Variants in C8orf34 observed in about 807,000 individuals in gnomAD.
C8orf34 encodes chromosome 8 open reading frame 34.
C8orf34 carries 65 observed loss-of-function variants against 68.3 expected under a neutral mutation model. That is an observed-to-expected ratio of 0.95 (90% CI 0.78 to 1.17). The LOEUF (loss-of-function observed/expected upper bound fraction) is 1.17, where lower values mean the gene tolerates loss of function less well. Ranked by LOEUF, C8orf34 falls within the 50% of genes most tolerant of loss-of-function variation. C8orf34 has a pLI of 0.00. For missense variants in C8orf34, 664 were observed against 655.4 expected (o/e 1.01, Z -0.14); for synonymous variants, 244 against 241.2 (o/e 1.01, Z -0.11).
chr8:68,702,133 A>G (rs1821035505), intron 8 of C8orf34, among the ~76,000 whole-genome samples: 1 of 151,938 alleles, frequency 6.6e-6, no homozygotes, highest in Non-Finnish European at 1.5e-5. Context: ...GCATAATGTA[A>G]TCTCCATGAG....
intron 7 of C8orf34, chr8:68,625,751 G>A: frequency 3.9e-6 from 2 of 507,604 alleles, no homozygotes; most frequent in South Asian, 6.1e-5. Context: ...TTAGTATATG[G>A]CCAGCAAGGG....
Position 68,378,545 on chromosome 8 carries a change from C to T in C8orf34, c.327+47206C>T, listed in dbSNP as rs142708989. Among the ~76,000 whole-genome samples the T allele has an allele frequency of 2.7e-3, 408 of 152,252 alleles. 1 individual carries two copies. Among genetic ancestry groups the T allele is most frequent in the Non-Finnish European group, 4.7e-3 (319 of 68,020 alleles). On this transcript the variant is annotated intron_variant, in intron 1 of 13. Transcript: ENST00000518698. ...TCAACTGATTCTCCTGCCTCAGCCT[C>T]CCAAAGTGCTGGGATTACGTGCGTG...
chr8:68,681,485 T>C (rs1820369773), intron 8 of C8orf34, among the ~76,000 whole-genome samples: 1 of 152,122 alleles, frequency 6.6e-6, no homozygotes, highest in Non-Finnish European at 1.5e-5. Context: ...CCAGTTAAAA[T>C]GACTTTTATC....
intron 12 of C8orf34, among the ~76,000 whole-genome samples, chr8:68,795,316 A>G (rs538122757): frequency 7.3e-6 from 1 of 136,286 alleles, no homozygotes; most frequent in Admixed American, 7.2e-5. Context: ...GACAGTTTTT[A>G]TTGACTGCTT....
At chr8:68,406,346 C>A (rs183388590) in intron 1 of C8orf34, among the ~76,000 whole-genome samples, 49 of 152,158 alleles carry the variant, frequency 3.2e-4, no homozygotes, top group African/African-American at 1.0e-3. Context: ...TACTAGAAGG[C>A]TTTTGTTTCT....
intron 5 of C8orf34, among the ~76,000 whole-genome samples, chr8:68,505,508 G>C (rs1474009440): frequency 1.1e-5 from 1 of 95,052 alleles, no homozygotes; most frequent in Non-Finnish European, 1.9e-5. Flanking sequence ...GAGGCGGGTG[G>C]ATCATGAGGT....
chr8:68,633,579 T>G (rs1818752907), intron 7 of C8orf34, among the ~76,000 whole-genome samples: 1 of 152,224 alleles, frequency 6.6e-6, no homozygotes, highest in African/African-American at 2.4e-5. Context: ...ATTTCTTTGT[T>G]GTGGAAACTA....
intron 8 of C8orf34, among the ~76,000 whole-genome samples, chr8:68,659,868 G>A (rs1307602052): frequency 1.3e-5 from 2 of 152,190 alleles, no homozygotes; most frequent in East Asian, 3.9e-4. Context: ...ACCTGTCAAA[G>A]TCTTATAGCT....
At chr8:68,808,581 A>T (rs1205859737) in intron 12 of C8orf34, among the ~76,000 whole-genome samples, 1 of 151,166 alleles carries the variant, frequency 6.6e-6, no homozygotes, top group African/African-American at 2.4e-5. Context: ...AGAAATAAAA[A>T]ATAAAAACAT....
chr8:68,510,488 A>G (rs1814219004), intron 5 of C8orf34, among the ~76,000 whole-genome samples: 1 of 152,184 alleles, frequency 6.6e-6, no homozygotes, highest in African/African-American at 2.4e-5. Context: ...CTGCCACCAG[A>G]GATTGCTGGT....
chr8:68,667,048 C>T lies in C8orf34; in HGVS notation c.1241+26537C>T, dbSNP rs534298687. Among the ~76,000 whole-genome samples the T allele has an allele frequency of 5.3e-5, 8 of 152,102 alleles. No homozygotes were observed. In the East Asian group the frequency reaches 1.4e-3, roughly 26 times the overall value. Reference sequence around the variant, plus strand: ...GAAGGAGAGAACTCACAGAACTTACCCTGATAGTTATTACAAAATATGAAA... The same window carrying T: ...GAAGGAGAGAACTCACAGAACTTACTCTGATAGTTATTACAAAATATGAAA... On this transcript the variant is annotated intron_variant, in intron 8 of 13. Coordinates refer to ENST00000518698, the MANE Select transcript of C8orf34 (RefSeq NM_052958.4).
intron 10 of C8orf34, among the ~76,000 whole-genome samples, chr8:68,743,876 C>T (rs1432430523): frequency 6.6e-6 from 1 of 152,236 alleles, no homozygotes; most frequent in Non-Finnish European, 1.5e-5. Flanking sequence ...CTGAGTGGAG[C>T]CCACCACAGC....
chr8:68,796,171 A>G lies in C8orf34; in HGVS notation c.1549+8635A>G, dbSNP rs570032337. 4.6e-5 allele frequency among the ~76,000 whole-genome samples: 7 copies of G among 152,328 alleles called. No individual in the cohort carries two copies. In the South Asian group the frequency reaches 1.4e-3, roughly 32 times the overall value. ...CATACGGCAAGTTAAAACCCCACATAACTCACTTGTTCTTATTGAGATTCA... is the reference window on the plus strand; with the variant it reads ...CATACGGCAAGTTAAAACCCCACATGACTCACTTGTTCTTATTGAGATTCA... On this transcript the variant is annotated intron_variant, in intron 12 of 13. Transcript: ENST00000518698.
At position 68,782,358 on chromosome 8, in the gene C8orf34, A is replaced by T. The variant is rs558397118; in HGVS notation, c.1456-5085A>T. Among the ~76,000 whole-genome samples the T allele has an allele frequency of 9.2e-4, 140 of 151,952 alleles. 5 individuals carry two copies. In the East Asian group the frequency reaches 0.018, roughly 19 times the overall value. On this transcript the variant is annotated intron_variant, in intron 11 of 13. Transcript: ENST00000518698. ...ATCAAATTTAATAATTCATAAATTT[A>T]AAAAAAAGCAAGTTAAAGTCCTTAC...
At chr8:68,376,182 G>T (rs1807785969) in intron 1 of C8orf34, among the ~76,000 whole-genome samples, 1 of 49,030 alleles carries the variant, frequency 2.0e-5, no homozygotes. Flanking sequence ...AGAAAAGGCA[G>T]ACATAAAATA....
At chr8:68,490,646 T>G (rs989077293) in intron 5 of C8orf34, among the ~76,000 whole-genome samples, 1 of 152,308 alleles carries the variant, frequency 6.6e-6, no homozygotes, top group South Asian at 2.1e-4. Flanking sequence ...TTTTTCATTT[T>G]TATTGAGGAA....
intron 7 of C8orf34, among the ~76,000 whole-genome samples, chr8:68,622,193 G>A (rs1818406629): frequency 6.6e-6 from 1 of 152,244 alleles, no homozygotes. Context: ...TCACACAAGT[G>A]TGCAAGCCAA....
chr8:68,503,796 G>T (rs1813885493), intron 5 of C8orf34, among the ~76,000 whole-genome samples: 2 of 151,734 alleles, frequency 1.3e-5, no homozygotes, highest in South Asian at 4.2e-4. Context: ...TCACCTCTTG[G>T]GTTCTGATCC....
Position 68,361,634 on chromosome 8 carries a change from C to A in C8orf34, c.327+30295C>A, listed in dbSNP as rs191430554. Reference sequence around the variant, plus strand: ...TCTGTTGTGCTTATGAGCTATTGCACCCATTTCTGTGGTTAACCACATTGT... The same window carrying A: ...TCTGTTGTGCTTATGAGCTATTGCAACCATTTCTGTGGTTAACCACATTGT... On this transcript the variant is annotated intron_variant, in intron 1 of 13. Coordinates refer to ENST00000518698, the MANE Select transcript of C8orf34 (RefSeq NM_052958.4). Among the ~76,000 whole-genome samples the A allele has an allele frequency of 2.2e-3, 329 of 152,300 alleles. 2 individuals carry two copies. Among genetic ancestry groups the A allele is most frequent in the Non-Finnish European group, 2.1e-3 (140 of 68,032 alleles).
Sources: gnomAD v4.1 joint callset for allele counts (sites outside exome capture counted in the v4.1 genomes callset) on GRCh38, gnomAD v4.1.1 for gene constraint, MANE v1.5 for transcripts, NCBI Gene and HGNC (gene_info 2026-07-23, HGNC 2026-07-21) for gene names.